The following MICU1 variants were observed in gnomAD, a reference collection of about 807,000 sequenced individuals.
MICU1 encodes the protein mitochondrial calcium uptake 1.
Under a neutral mutation model 56.8 loss-of-function variants are expected in MICU1, and 45 were observed. The observed-to-expected ratio is 0.79, with a 90% CI of 0.62 to 1.02. The LOEUF is 1.02. Ranked by LOEUF, MICU1 falls within the 50% of genes least tolerant of loss-of-function variation. The pLI is 0.00. For missense variants in MICU1, 504 were observed against 587.1 expected, an observed-to-expected ratio of 0.86 and a Z score of 1.46; for synonymous variants, 186 against 195.1, an observed-to-expected ratio of 0.95 and a Z score of 0.39.
intron 5 of MICU1, among the ~76,000 whole-genome samples, chr10:72,524,512 T>C (rs958558218): frequency 2.0e-5 from 3 of 152,246 alleles, no homozygotes; most frequent in Non-Finnish European, 4.4e-5. Flanking sequence ...ATGTTAAAAC[T>C]TCCTTTTAAA....
intron 8 of MICU1, among the ~76,000 whole-genome samples, chr10:72,449,526 C>T (rs1865230351): frequency 6.6e-6 from 1 of 152,204 alleles, no homozygotes. Context: ...GCATGAGCCA[C>T]TGCACCTGGT....
At chr10:72,497,870 T>A (rs1866898691) in intron 6 of MICU1, among the ~76,000 whole-genome samples, 1 of 152,216 alleles carries the variant, frequency 6.6e-6, no homozygotes, top group Non-Finnish European at 1.5e-5. Context: ...ATTCAAATAT[T>A]TTTAGAATTA....
intron 9 of MICU1, among the ~76,000 whole-genome samples, chr10:72,413,239 A>C (rs919873383): frequency 2.0e-5 from 3 of 149,774 alleles, no homozygotes; most frequent in East Asian, 1.9e-4. Context: ...AAAACAAAAC[A>C]AAACCACATA....
At chr10:72,423,467 C>A in intron 8 of MICU1, 96 bp from the exon 9 acceptor site, 1 of 1,380,828 alleles carries the variant, frequency 7.2e-7, no homozygotes, top group Non-Finnish European at 9.7e-7. Context: ...CAGAAAATAG[C>A]TGATGACTGG....
At chr10:72,606,109 C>T (rs1449043032) in intron 1 of MICU1, among the ~76,000 whole-genome samples, 8 of 144,676 alleles carry the variant, frequency 5.5e-5, no homozygotes, top group South Asian at 2.2e-4. Context: ...CCAGCCTAGA[C>T]GACAGAGTGA....
chr10:72,515,568 T>C (rs980364129), intron 5 of MICU1, among the ~76,000 whole-genome samples: 2 of 152,216 alleles, frequency 1.3e-5, no homozygotes, highest in African/African-American at 4.8e-5. Flanking sequence ...GTCTTATCCC[T>C]CACACACTTG....
At chr10:72,501,897 C>T (rs1867079560) in intron 6 of MICU1, 1 of 152,092 alleles carries the variant, frequency 6.6e-6, no homozygotes, top group Non-Finnish European at 1.5e-5. Context: ...AGAATTAACT[C>T]TAATGGAAGA....
chr10:72,444,936 A>G (rs933650133), intron 8 of MICU1, among the ~76,000 whole-genome samples: 2 of 152,236 alleles, frequency 1.3e-5, no homozygotes, highest in Admixed American at 1.3e-4. Flanking sequence ...ACCTACGGAG[A>G]GAATGTGATA....
At chr10:72,443,305 T>C (rs1279268241) in intron 8 of MICU1, among the ~76,000 whole-genome samples, 1 of 152,198 alleles carries the variant, frequency 6.6e-6, no homozygotes, top group Admixed American at 6.5e-5. Flanking sequence ...GAAAATTTTC[T>C]CCCATTTTGT....
chr10:72,438,808 GA>G (rs1864822140), intron 8 of MICU1, among the ~76,000 whole-genome samples: 1 of 152,236 alleles, frequency 6.6e-6, no homozygotes, highest in East Asian at 1.9e-4. Flanking sequence ...AGAAGAAATG[GA>G]TAAATTCCTG....
chr10:72,489,329 T>TA (rs80216178), intron 6 of MICU1, among the ~76,000 whole-genome samples: 7,730 of 134,052 alleles, frequency 0.058, 657 homozygotes, highest in African/African-American at 0.19. Flanking sequence ...CACACAAAAA[T>TA]AAAAAAAAAA....
chr10:72,441,626 T>C lies in MICU1; in HGVS notation c.934-18255A>G, dbSNP rs1411830992. ...TATTTTTAATTTTTCTTTTTTTTTTTTTTTTTTTGAGGCAGAACCTCACTC... is the reference window on the plus strand; with the variant it reads ...TATTTTTAATTTTTCTTTTTTTTTTCTTTTTTTTGAGGCAGAACCTCACTC... On this transcript the variant is annotated intron_variant, in intron 8 of 11. Coordinates refer to ENST00000361114, the MANE Select transcript of MICU1 (RefSeq NM_001195518.2). Among the ~76,000 whole-genome samples, 14 of 143,042 alleles carry C rather than the reference T, an allele frequency of 9.8e-5. No individual in the cohort carries two copies. In the East Asian group the frequency reaches 2.0e-3, roughly 20 times the overall value. The allele number at this position is 143,042 out of a possible 152,430, so 93.8% of individuals were successfully genotyped here. A position where few individuals can be genotyped will look rare whatever the true frequency, so the allele number is the denominator to read the frequency against.
intron 8 of MICU1, among the ~76,000 whole-genome samples, chr10:72,449,851 T>C (rs1302566410): frequency 1.3e-5 from 2 of 152,124 alleles, no homozygotes; most frequent in Non-Finnish European, 2.9e-5. Flanking sequence ...GGCAAAATCC[T>C]GGAGAAGACA....
At chr10:72,536,228 G>C (rs1291378465) in intron 4 of MICU1, among the ~76,000 whole-genome samples, 1 of 152,034 alleles carries the variant, frequency 6.6e-6, no homozygotes, top group Non-Finnish European at 1.5e-5. Context: ...ACAAATGTTT[G>C]ATGGTGATAT....
At chr10:72,615,342 T>A (rs1012399340) in intron 1 of MICU1, among the ~76,000 whole-genome samples, 1 of 152,180 alleles carries the variant, frequency 6.6e-6, no homozygotes. Flanking sequence ...AGTCTTGAAC[T>A]CCTGACCTCA....
chr10:72,558,106 G>T (rs79147383), intron 3 of MICU1, among the ~76,000 whole-genome samples: 4,165 of 152,206 alleles, frequency 0.027, 185 homozygotes, highest in African/African-American at 0.096. Context: ...TCTTTACTGA[G>T]CAAGAGTCTA....
intron 6 of MICU1, among the ~76,000 whole-genome samples, chr10:72,493,176 T>C (rs1008076526): frequency 3.3e-5 from 5 of 152,090 alleles, no homozygotes; most frequent in Non-Finnish European, 7.3e-5. Flanking sequence ...AAGATGTATA[T>C]GTATGCATGT....
intron 10 of MICU1, among the ~76,000 whole-genome samples, chr10:72,403,996 G>T (rs950132160): frequency 9.1e-6 from 1 of 110,296 alleles, no homozygotes. Flanking sequence ...TTTTTTGTTT[G>T]TTTGTTTTTT....
intron 9 of MICU1, among the ~76,000 whole-genome samples, chr10:72,421,025 T>C (rs1211048259): frequency 7.1e-6 from 1 of 139,878 alleles, no homozygotes; most frequent in African/African-American, 2.7e-5. Flanking sequence ...AAAATAATAA[T>C]AATAATAATA....
Sources: gnomAD v4.1 joint callset for allele counts (sites outside exome capture counted in the v4.1 genomes callset) on GRCh38, gnomAD v4.1.1 for gene constraint, MANE v1.5 for transcripts, NCBI Gene and HGNC (gene_info 2026-07-23, HGNC 2026-07-21) for gene names.